PXT1: variants seen among roughly 807,000 people sequenced by gnomAD.
PXT1 encodes the protein peroxisomal testis-specific protein 1.
A neutral mutation model predicts 11.0 loss-of-function variants in PXT1; 11 were observed. The observed-to-expected ratio is 1.00, with a 90% CI of 0.63 to 1.66. The LOEUF is 1.66. PXT1 is among the 40% of genes most tolerant of loss of function. The probability of loss-of-function intolerance (pLI) is 0.00; values close to 1 mark genes in which losing one functional copy is unlikely to be tolerated. For missense variants in PXT1, 141 were observed against 155.5 expected (o/e 0.91, Z 0.49); for synonymous variants, 43 against 51.4 (o/e 0.84, Z 0.70).
intron 3 of PXT1, among the ~76,000 whole-genome samples, chr6:36,405,756 T>C (rs916132954): frequency 5.9e-5 from 9 of 152,354 alleles, no homozygotes; most frequent in African/African-American, 1.9e-4. Context: ...ATTTATGGTA[T>C]AAAAGATAAC....
intron 4 of PXT1, among the ~76,000 whole-genome samples, chr6:36,395,450 T>G (rs1774129842): frequency 6.6e-6 from 1 of 151,754 alleles, no homozygotes; most frequent in Admixed American, 6.6e-5. Flanking sequence ...TGATTTGAAC[T>G]TTGAAGCAGC....
At chr6:36,437,151 G>T (rs1055696325) in intron 2 of PXT1, among the ~76,000 whole-genome samples, 2 of 152,030 alleles carry the variant, frequency 1.3e-5, no homozygotes, top group African/African-American at 4.8e-5. Flanking sequence ...GCCGGGCGTG[G>T]TGTCACGGGC....
intron 1 of PXT1, among the ~76,000 whole-genome samples, chr6:36,440,217 G>A (rs9470280): frequency 0.27 from 40,995 of 152,108 alleles, 6,080 homozygotes; most frequent in African/African-American, 0.39. Flanking sequence ...TAGAAATGAG[G>A]ATTAGCTTTT....
chr6:36,431,462 G>A (rs9470278), intron 2 of PXT1, among the ~76,000 whole-genome samples: 86,586 of 152,010 alleles, frequency 0.57, 26,117 homozygotes, highest in Middle Eastern at 0.71. Context: ...TTAGAGTCAT[G>A]TTGGGCGTTA....
intron 3 of PXT1, among the ~76,000 whole-genome samples, chr6:36,401,906 A>G (rs1774220192): frequency 6.7e-6 from 1 of 148,344 alleles, no homozygotes; most frequent in East Asian, 1.9e-4. Context: ...ATATATATAT[A>G]ATGGAAAATC....
intron 3 of PXT1, among the ~76,000 whole-genome samples, chr6:36,414,212 A>C (rs1774415927): frequency 6.6e-6 from 1 of 152,238 alleles, no homozygotes; most frequent in Admixed American, 6.5e-5. Context: ...TGTGTAGGGA[A>C]GTCCCAGAAT....
At chr6:36,411,657 G>A (rs946994846) in intron 3 of PXT1, among the ~76,000 whole-genome samples, 1 of 151,826 alleles carries the variant, frequency 6.6e-6, no homozygotes, top group Non-Finnish European at 1.5e-5. Context: ...AAATAACAAA[G>A]AATTACCTAC....
In PXT1 at chr6:36,400,500, T is replaced by C; in HGVS notation, c.254A>G (p.Gln85Arg). The C allele has an allele frequency of 6.2e-7, 1 of 1,614,082 alleles. No homozygotes were observed. The highest frequency in any genetic ancestry group is 8.5e-7 in the Non-Finnish European group (1 of 1,179,950). ...QEEIIHKLAM[Q>R]LRHIGDNIDH... ...AATGTTGTCCCCAATGTGTCTCAGC[T>C]GCATGGCCAACTTGTGAATTATTTC... Residue 85 changes from glutamine to arginine, a missense_variant, in exon 4 of 5, where the codon CAG (glutamine) becomes CGG (arginine). By Grantham distance (43) the Gln-to-Arg change is conservative. Coordinates refer to ENST00000454782, the MANE Select transcript of PXT1 (RefSeq NM_152990.4).
intron 2 of PXT1, among the ~76,000 whole-genome samples, chr6:36,437,292 A>G (rs1478557849): frequency 1.1e-5 from 1 of 87,298 alleles, no homozygotes; most frequent in Non-Finnish European, 2.3e-5. Context: ...ATCTCAAAAC[A>G]AACAAACAAA....
chr6:36,409,656 T>G (rs1157717600), intron 3 of PXT1, among the ~76,000 whole-genome samples: 1 of 150,922 alleles, frequency 6.6e-6, no homozygotes, highest in Non-Finnish European at 1.5e-5. Context: ...CGAAACCGCG[T>G]CTCTAGAAAA....
At chr6:36,393,301 G>C (rs1414229968) in intron 4 of PXT1, 5 of 153,078 alleles carry the variant, frequency 3.3e-5, no homozygotes, top group Non-Finnish European at 7.3e-5. Context: ...CCCTCACTCA[G>C]CTTCAGCCAC....
At chr6:36,401,957 C>CATATATATATATATATGT (rs879661502) in intron 3 of PXT1, among the ~76,000 whole-genome samples, 4 of 144,912 alleles carry the variant, frequency 2.8e-5, no homozygotes, top group African/African-American at 1.0e-4. Flanking sequence ...TGTATACATG[C>CATATATATATATATATGT]ATATATATAT....
Position 36,424,091 on chromosome 6 carries a change from G to T in PXT1, c.169+1823C>A, listed in dbSNP as rs534261110. Reference sequence around the variant, plus strand: ...GGAAGACAGCGATCAGCTTCACAAGGAATCTGAGGATCAGGAGGTAGAGTG... The same window carrying T: ...GGAAGACAGCGATCAGCTTCACAAGTAATCTGAGGATCAGGAGGTAGAGTG... On this transcript the variant is annotated intron_variant, in intron 3 of 4. Coordinates refer to ENST00000454782, the MANE Select transcript of PXT1 (RefSeq NM_152990.4). Among the ~76,000 whole-genome samples, 40 of 152,340 alleles carry T rather than the reference G, an allele frequency of 2.6e-4. 1 individual carries two copies. The South Asian group carries it at 8.3e-3, about 32-fold the overall frequency.
intron 4 of PXT1, among the ~76,000 whole-genome samples, chr6:36,395,493 ATTTTTTTTTTTT>A (rs148553371): frequency 5.0e-4 from 37 of 73,312 alleles, no homozygotes; most frequent in African/African-American, 1.7e-3. Flanking sequence ...CAAACTTAGG[ATTTTTTTTTTTT>A]TTTTTTTTTT....
intron 3 of PXT1, among the ~76,000 whole-genome samples, chr6:36,415,275 T>C (rs1432480088): frequency 1.3e-5 from 2 of 152,008 alleles, no homozygotes; most frequent in Non-Finnish European, 2.9e-5. Context: ...AAACCCTGCC[T>C]CTACTAAAAA....
chr6:36,401,160 ATAT>A (rs1274920842), intron 3 of PXT1, among the ~76,000 whole-genome samples: 2 of 151,770 alleles, frequency 1.3e-5, no homozygotes, highest in East Asian at 1.9e-4. Context: ...TATATCCAAA[ATAT>A]TATTATAACA....
intron 2 of PXT1, among the ~76,000 whole-genome samples, chr6:36,432,774 C>T (rs928157559): frequency 6.6e-6 from 1 of 152,174 alleles, no homozygotes; most frequent in Non-Finnish European, 1.5e-5. Context: ...ATGGGAAATG[C>T]CACCTCTGGA....
chr6:36,441,559 C>A (rs1357076205), intron 1 of PXT1, among the ~76,000 whole-genome samples: 1 of 152,100 alleles, frequency 6.6e-6, no homozygotes, highest in Non-Finnish European at 1.5e-5. Flanking sequence ...CTTCTGCCAG[C>A]CCGGAAGTGC....
At chr6:36,395,901 G>A (rs1468295023) in intron 4 of PXT1, among the ~76,000 whole-genome samples, 1 of 152,080 alleles carries the variant, frequency 6.6e-6, no homozygotes, top group Non-Finnish European at 1.5e-5. Context: ...TACTCTGGAG[G>A]CCTACGTGGG....
Sources: allele counts gnomAD v4.1 joint callset (sites outside exome capture counted in the v4.1 genomes callset), GRCh38; gene constraint gnomAD v4.1.1; transcripts MANE v1.5; gene names NCBI Gene and HGNC (gene_info 2026-07-23, HGNC 2026-07-21).